RHOU: variants seen among roughly 807,000 people sequenced by gnomAD.
RHOU encodes rho-related GTP-binding protein RhoU.
Under a neutral mutation model 12.6 loss-of-function variants are expected in RHOU, and 8 were observed. That is an observed-to-expected ratio of 0.64 (90% confidence interval 0.37 to 1.15). The LOEUF (loss-of-function observed/expected upper bound fraction) is 1.15. Ranked by LOEUF, RHOU falls within the 50% of genes most tolerant of loss-of-function variation. The pLI, the probability that RHOU is intolerant of heterozygous loss-of-function variation, is 0.01. For missense variants in RHOU, 258 were observed against 347.0 expected, an observed-to-expected ratio of 0.74 and a Z score of 2.04; for synonymous variants, 161 against 147.4, an observed-to-expected ratio of 1.09 and a Z score of -0.67.
chr1:228,650,637 G>C, the RHOU span: 1 of 455,874 alleles, frequency 2.2e-6, no homozygotes, highest in Admixed American at 3.0e-5. Flanking sequence ...CCTTCTTCCA[G>C]GGTTGCATGG....
At chr1:228,666,928 T>C in the RHOU span, among the ~76,000 whole-genome samples, 3 of 152,338 alleles carry the variant, frequency 2.0e-5, no homozygotes, top group South Asian at 4.1e-4. Flanking sequence ...GAGATTTGCA[T>C]AGTGACTTTT....
the RHOU span, among the ~76,000 whole-genome samples, chr1:228,666,386 C>G: frequency 6.6e-6 from 1 of 152,120 alleles, no homozygotes; most frequent in African/African-American, 2.4e-5. Context: ...TCATGGTAAT[C>G]AGTGTATTCA....
chr1:228,663,820 A>G, the RHOU span, among the ~76,000 whole-genome samples: 1 of 150,436 alleles, frequency 6.6e-6, no homozygotes, highest in Non-Finnish European at 1.5e-5. Context: ...TTTAGTAGAG[A>G]CGGGGCTTCA....
At chr1:228,712,835 A>AAT in the RHOU span, among the ~76,000 whole-genome samples, 1 of 88,226 alleles carries the variant, frequency 1.1e-5, no homozygotes, top group Admixed American at 1.1e-4. Flanking sequence ...AAATAAATAA[A>AAT]ATAAAATAAA....
the RHOU span, among the ~76,000 whole-genome samples, chr1:228,685,039 G>A: frequency 6.6e-6 from 1 of 152,124 alleles, no homozygotes; most frequent in East Asian, 1.9e-4. Flanking sequence ...TAAACAACGG[G>A]TGCATTATTT....
At chr1:228,675,442 A>AT in the RHOU span, among the ~76,000 whole-genome samples, 4 of 152,026 alleles carry the variant, frequency 2.6e-5, no homozygotes, top group African/African-American at 9.7e-5. Context: ...AGCTATTGGG[A>AT]TTTTGTTTGA....
In RHOU at chr1:228,745,136, T is replaced by C. The variant is rs911990228; in HGVS notation, c.*1396T>C. The C allele has an allele frequency of 3.3e-5, 5 of 152,198 alleles. No individual in the cohort carries two copies. The highest frequency in any genetic ancestry group is 4.4e-5 in the Non-Finnish European group (3 of 68,050). The allele number at this position is 152,198 out of a possible 1,614,324, so 9.4% of individuals were successfully genotyped here. Reference sequence around the variant, plus strand: ...GTGCATGCCGGGACCATGGCCCCCATACTTGGCTGCTTCCTGTGACAGTGA... The same window carrying C: ...GTGCATGCCGGGACCATGGCCCCCACACTTGGCTGCTTCCTGTGACAGTGA... On this transcript the variant is annotated 3_prime_UTR_variant, in exon 3 of 3. Transcript: ENST00000366691.
the RHOU span, among the ~76,000 whole-genome samples, chr1:228,672,383 G>A: frequency 2.0e-5 from 3 of 152,052 alleles, no homozygotes; most frequent in South Asian, 2.1e-4. Flanking sequence ...GGCTGGTCTC[G>A]AACTTCTGAC....
the RHOU span, chr1:228,650,574 C>G: frequency 4.4e-6 from 2 of 455,722 alleles, no homozygotes; most frequent in Admixed American, 4.8e-5. Flanking sequence ...CCTCACTGCT[C>G]GCCTGCCTGC....
rs1248274204 is a variant in RHOU, at chr1:228,737,341, G to C, written c.263-332G>C. Among the ~76,000 whole-genome samples, 1 of 152,174 alleles carries C rather than the reference G, an allele frequency of 6.6e-6. No individual in the cohort carries two copies. The highest frequency in any genetic ancestry group is 1.5e-5 in the Non-Finnish European group (1 of 68,030). On this transcript the variant is annotated intron_variant, in intron 1 of 2. Transcript: ENST00000366691. This position sits in a 1 kb window ranked among gnomAD's most constrained non-coding sequence, Gnocchi z 4.1. ...CAGGGTTGCTTCCCATTTACCCCCA[G>C]TGTTGTTTTTAGGTCCTTTGAAACA...
At chr1:228,742,135 G>A (rs1662735806) in intron 2 of RHOU, among the ~76,000 whole-genome samples, 1 of 152,158 alleles carries the variant, frequency 6.6e-6, no homozygotes, top group Non-Finnish European at 1.5e-5. Context: ...TTATACCTGA[G>A]GATGGTTGGC....
chr1:228,676,139 C>T, the RHOU span, among the ~76,000 whole-genome samples: 3 of 150,902 alleles, frequency 2.0e-5, no homozygotes, highest in African/African-American at 7.3e-5. Flanking sequence ...CCGCCCCCCC[C>T]CTTTTTTTTT....
intron 2 of RHOU, among the ~76,000 whole-genome samples, chr1:228,739,519 C>T (rs1333362786): frequency 9.2e-5 from 14 of 152,054 alleles, no homozygotes; most frequent in Non-Finnish European, 2.1e-4. Context: ...GCTGAGATCG[C>T]GTCACTGCCC....
chr1:228,675,305 A>C, the RHOU span, among the ~76,000 whole-genome samples: 3 of 152,026 alleles, frequency 2.0e-5, no homozygotes, highest in African/African-American at 7.2e-5. Context: ...CCTTGTATTT[A>C]TACTAGATAA....
At chr1:228,697,633 T>C in the RHOU span, among the ~76,000 whole-genome samples, 67 of 152,302 alleles carry the variant, frequency 4.4e-4, no homozygotes, top group East Asian at 0.011. Flanking sequence ...TTCTCTAAGA[T>C]GCTGAGAAAT....
At chr1:228,698,263 A>C in the RHOU span, among the ~76,000 whole-genome samples, 1 of 152,192 alleles carries the variant, frequency 6.6e-6, no homozygotes, top group Non-Finnish European at 1.5e-5. Context: ...CAAGAGTTTG[A>C]AGTATGTTCC....
the RHOU span, among the ~76,000 whole-genome samples, chr1:228,649,054 A>G: frequency 6.6e-6 from 1 of 152,022 alleles, no homozygotes; most frequent in Non-Finnish European, 1.5e-5. Flanking sequence ...TAGCAGTGAC[A>G]TGGTTTCTGC....
the RHOU span, chr1:228,687,444 C>G: frequency 6.7e-7 from 1 of 1,483,648 alleles, no homozygotes; most frequent in Middle Eastern, 2.2e-4. Flanking sequence ...CAAATACTTT[C>G]TTCACCAATC....
chr1:228,743,053 G>A lies in RHOU; in HGVS notation c.322-232G>A, dbSNP rs373200432. 1.4e-4 allele frequency among the ~76,000 whole-genome samples: 22 copies of A among 152,242 alleles called. No homozygotes were observed. The South Asian group carries it at 4.4e-3, about 30-fold the overall frequency. ...TCGATGAACACGTTGAACATGTTTG[G>A]CAGTGTTCAGACCATAGCTGGCCCT... On this transcript the variant is annotated intron_variant, in intron 2 of 2. Coordinates refer to ENST00000366691, the MANE Select transcript of RHOU (RefSeq NM_021205.6). The surrounding 1 kb of genome is among the most constrained non-coding windows in gnomAD (Gnocchi z 5.1).
Sources: allele counts gnomAD v4.1 joint callset (sites outside exome capture counted in the v4.1 genomes callset), GRCh38; gene constraint gnomAD v4.1.1; non-coding constraint Gnocchi (gnomAD v3.1); transcripts MANE v1.5; gene names NCBI Gene and HGNC (gene_info 2026-07-23, HGNC 2026-07-21).